The following SCGB2B2 variants were observed in gnomAD, a reference collection of about 807,000 sequenced individuals.
SCGB2B2 encodes the protein secretoglobin-like protein.
In SCGB2B2, 11 loss-of-function variants were observed where a neutral mutation model predicts 7.6. The ratio of observed to expected loss-of-function variants is 1.45; its 90% CI spans 0.91 to 2.40. The LOEUF (loss-of-function observed/expected upper bound fraction) is 2.40, where lower values mean the gene tolerates loss of function less well. Among genes scored for constraint, SCGB2B2 ranks in the 30% most tolerant of loss-of-function variants. The pLI is 0.00. For missense variants in SCGB2B2, 104 were observed against 115.4 expected (o/e 0.90, Z 0.45); for synonymous variants, 50 against 48.6 (o/e 1.03, Z -0.12).
At position 34,663,954 on chromosome 19, in the gene SCGB2B2, G is replaced by T. The variant is rs112010835; in HGVS notation, c.-2032+11676C>A. On this transcript the variant is annotated intron_variant, in intron 1 of 3. Coordinates refer to ENST00000601241, the MANE Select transcript of SCGB2B2 (RefSeq NM_001025591.4). ...ACCTGCCTGCCCCAGCTCCTCCACA[G>T]CCGGGTTGTCCTCCCCGCCCACCCC... is the stretch of plus-strand genomic sequence containing the variant. 7.9e-3 allele frequency among the ~76,000 whole-genome samples: 1,198 copies of T among 151,970 alleles called. 18 individuals carry two copies. The highest frequency in any genetic ancestry group is 0.028 in the African/African-American group (1,146 of 41,322).
chr19:34,627,018 C>T (rs188870608), intron 1 of SCGB2B2, among the ~76,000 whole-genome samples: 150 of 152,206 alleles, frequency 9.9e-4, no homozygotes, highest in African/African-American at 3.5e-3. Context: ...AACCTTCATA[C>T]GTGAAGGAGA....
chr19:34,609,787 G>A (rs1268937410), intron 1 of SCGB2B2, among the ~76,000 whole-genome samples: 1 of 151,874 alleles, frequency 6.6e-6, no homozygotes, highest in Non-Finnish European at 1.5e-5. Context: ...TTTTCTCAGG[G>A]TTGCTTTGGT....
At chr19:34,602,778 C>T (rs2065666703) in intron 1 of SCGB2B2, among the ~76,000 whole-genome samples, 1 of 152,098 alleles carries the variant, frequency 6.6e-6, no homozygotes, top group Non-Finnish European at 1.5e-5. Flanking sequence ...AGATATTTCG[C>T]TTTTGCTAGC....
At position 34,594,268 on chromosome 19, in the gene SCGB2B2, G is replaced by A; in HGVS notation, c.153C>T (p.Asn51=). Residue 51 remains asparagine, a synonymous_variant, in exon 3 of 4, where the codon AAC becomes AAT. Transcript: ENST00000601241. ...DLLKEELARY[N]PSPLTEESFL... ...AGGACTCCTCTGTCAGGGGACTGGG[G>A]TTGTAACGAGCAAGCTCCTCCTTCA... The A allele has an allele frequency of 6.2e-7, 1 of 1,614,000 alleles. No homozygotes were observed. Among genetic ancestry groups the A allele is most frequent in the Non-Finnish European group, 8.5e-7 (1 of 1,179,868 alleles).
intron 1 of SCGB2B2, among the ~76,000 whole-genome samples, chr19:34,639,621 T>C (rs2066785375): frequency 6.6e-6 from 1 of 152,204 alleles, no homozygotes; most frequent in African/African-American, 2.4e-5. Context: ...CACTGAACTT[T>C]GTTCAGGAGC....
chr19:34,594,197 C>G lies in SCGB2B2; in HGVS notation c.224G>C (p.Arg75Thr), dbSNP rs1210100097. ...CACAATAACAACTGAATGAGCAAAT[C>G]TTTCTGTCACGGAGACATTGGCAAA... ...QCFANVSVTE[R>T]FAHSVVIKKI... Residue 75 changes from arginine (R) to threonine (T), a missense_variant, in exon 3 of 4, where the codon AGA becomes ACA. Transcript: ENST00000601241. The G allele has an allele frequency of 1.2e-6, 2 of 1,614,078 alleles. No homozygotes were observed. Among genetic ancestry groups the G allele is most frequent in the Non-Finnish European group, 1.7e-6 (2 of 1,179,966 alleles).
downstream of SCGB2B2, among the ~76,000 whole-genome samples, chr19:34,589,282 G>A (rs2145712257): frequency 6.6e-6 from 1 of 152,174 alleles, no homozygotes; most frequent in East Asian, 1.9e-4. Flanking sequence ...GGGAGGTGTG[G>A]GGAGCACTGG....
intron 1 of SCGB2B2, among the ~76,000 whole-genome samples, chr19:34,600,346 G>A (rs1170759339): frequency 6.6e-6 from 1 of 152,174 alleles, no homozygotes; most frequent in Admixed American, 6.5e-5. Context: ...GAACAACACT[G>A]TAGGGAGCTT....
At chr19:34,605,215 C>A (rs1016923957) in intron 1 of SCGB2B2, among the ~76,000 whole-genome samples, 1 of 152,176 alleles carries the variant, frequency 6.6e-6, no homozygotes, top group Non-Finnish European at 1.5e-5. Flanking sequence ...TACTTCATAG[C>A]TTTTTGAGTC....
At chr19:34,612,705 T>C (rs2065967380) in intron 1 of SCGB2B2, among the ~76,000 whole-genome samples, 1 of 152,236 alleles carries the variant, frequency 6.6e-6, no homozygotes, top group Non-Finnish European at 1.5e-5. Context: ...CCAACGTTTC[T>C]TTGTCAATTT....
chr19:34,661,728 TCCAA>T (rs2067462298), intron 1 of SCGB2B2, among the ~76,000 whole-genome samples: 1 of 152,092 alleles, frequency 6.6e-6, no homozygotes, highest in African/African-American at 2.4e-5. Context: ...ACCAAGCTTG[TCCAA>T]CCTGCGGCCT....
At chr19:34,647,282 G>A (rs1162551333) in intron 1 of SCGB2B2, among the ~76,000 whole-genome samples, 2 of 152,146 alleles carry the variant, frequency 1.3e-5, no homozygotes, top group African/African-American at 2.4e-5. Flanking sequence ...TTTCGTCCTC[G>A]CTGGAGGTCT....
chr19:34,639,217 A>T (rs2066772584), intron 1 of SCGB2B2, among the ~76,000 whole-genome samples: 1 of 152,226 alleles, frequency 6.6e-6, no homozygotes, highest in Admixed American at 6.5e-5. Context: ...GGTTAATGCC[A>T]AAAACTCAAG....
At chr19:34,629,161 T>C (rs2066460240) in intron 1 of SCGB2B2, among the ~76,000 whole-genome samples, 1 of 151,912 alleles carries the variant, frequency 6.6e-6, no homozygotes, top group Non-Finnish European at 1.5e-5. Flanking sequence ...ACAGCCAATA[T>C]CATACTGAAT....
Position 34,591,439 on chromosome 19 carries a change from T to C in SCGB2B2, c.*2116A>G, listed in dbSNP as rs1179854711. 6.6e-6 allele frequency among the ~76,000 whole-genome samples: 1 copy of C among 152,184 alleles called. No individual in the cohort carries two copies. Among genetic ancestry groups the C allele is most frequent in the African/African-American group, 2.4e-5 (1 of 41,450 alleles). ...GCTGCACTGTGACAAGGCCACGGTG[T>C]CTACCTGGACGGCCACAGGGACTCC... On this transcript the variant is annotated 3_prime_UTR_variant, in exon 4 of 4. Transcript: ENST00000601241.
At chr19:34,629,054 C>T (rs1206121278) in intron 1 of SCGB2B2, among the ~76,000 whole-genome samples, 1 of 151,760 alleles carries the variant, frequency 6.6e-6, no homozygotes, top group Non-Finnish European at 1.5e-5. Context: ...AAAAGGCCTT[C>T]AACAAAATTC....
chr19:34,646,547 G>A (rs2067017548), intron 1 of SCGB2B2: 1 of 152,420 alleles, frequency 6.6e-6, no homozygotes, highest in African/African-American at 2.4e-5. Flanking sequence ...CAGACCTTAA[G>A]GAGCTCCTCT....
rs1190461564 is a variant in SCGB2B2 at position 34,675,947 on chromosome 19, GGTGA to G, written c.-2353_-2350del. On this transcript the variant is annotated 5_prime_UTR_variant, in exon 1 of 4. An upstream open reading frame in the 5' UTR loses its in-frame stop. Coordinates refer to ENST00000601241, the MANE Select transcript of SCGB2B2 (RefSeq NM_001025591.4). ...CAAGAGTGAAGCTGCAGACCTTCAG[GGTGA>G]GTGTTGCAGCTCATAAAGGTAGTGC... 1 of 152,380 alleles carries G rather than the reference GGTGA, an allele frequency of 6.6e-6. No homozygotes were observed. The highest frequency in any genetic ancestry group is 1.5e-5 in the Non-Finnish European group (1 of 68,238). The allele number at this position is 152,380 out of a possible 1,614,324, so 9.4% of individuals were successfully genotyped here.
chr19:34,642,531 T>C (rs1366763184), intron 1 of SCGB2B2, among the ~76,000 whole-genome samples: 4 of 151,576 alleles, frequency 2.6e-5, no homozygotes, highest in African/African-American at 7.3e-5. Flanking sequence ...CTGGCCAACA[T>C]GGTGAAACCC....
Sources: allele counts gnomAD v4.1 joint callset (sites outside exome capture counted in the v4.1 genomes callset), GRCh38; gene constraint gnomAD v4.1.1; transcripts MANE v1.5; gene names NCBI Gene and HGNC (gene_info 2026-07-23, HGNC 2026-07-21).